Variants in KCNQ5 observed in about 807,000 individuals in gnomAD.
The protein encoded by KCNQ5 is potassium voltage-gated channel subfamily Q member 5.
A neutral mutation model predicts 98.2 loss-of-function variants in KCNQ5; 30 were observed. The ratio of observed to expected loss-of-function variants is 0.31; its 90% CI spans 0.23 to 0.41. KCNQ5 has a LOEUF of 0.41. KCNQ5 is among the 10% of genes least tolerant of loss of function. The probability of loss-of-function intolerance (pLI) is 1.00; values close to 1 mark genes in which losing one functional copy is unlikely to be tolerated. For synonymous variants in KCNQ5, 458 were observed against 449.4 expected (o/e 1.02, Z -0.24); for missense variants, 835 against 1,182.5 (o/e 0.71, Z 4.31).
chr6:72,716,046 G>A (rs115416238), intron 1 of KCNQ5, among the ~76,000 whole-genome samples: 312 of 152,162 alleles, frequency 2.1e-3, no homozygotes, highest in African/African-American at 7.3e-3. Flanking sequence ...AAGTTATGAA[G>A]CCACATAAAA....
intron 1 of KCNQ5, among the ~76,000 whole-genome samples, chr6:72,731,348 A>G (rs945048601): frequency 6.6e-6 from 1 of 152,262 alleles, no homozygotes; most frequent in Admixed American, 6.5e-5. Context: ...GCAGAAAAGC[A>G]GTGGATCCAA....
intron 6 of KCNQ5, among the ~76,000 whole-genome samples, chr6:73,108,083 G>C (rs1273711970): frequency 6.6e-6 from 1 of 152,166 alleles, no homozygotes; most frequent in Non-Finnish European, 1.5e-5. Context: ...CAGGACACCT[G>C]AGAACCAAGA....
intron 10 of KCNQ5, among the ~76,000 whole-genome samples, chr6:73,142,638 A>G (rs1275820445): frequency 6.6e-6 from 1 of 152,206 alleles, no homozygotes; most frequent in Non-Finnish European, 1.5e-5. Context: ...TGAGGAGGCC[A>G]GGTGCGATGG....
At chr6:72,971,309 C>G (rs1347207233) in intron 1 of KCNQ5, among the ~76,000 whole-genome samples, 1 of 152,168 alleles carries the variant, frequency 6.6e-6, no homozygotes, top group Non-Finnish European at 1.5e-5. Flanking sequence ...CCATCTCACA[C>G]CAGTTAGAAT....
chr6:73,042,244 T>G, intron 3 of KCNQ5, 182 bp downstream of exon 3: 1 of 647,704 alleles, frequency 1.5e-6, no homozygotes, highest in Admixed American at 2.7e-5. Flanking sequence ...CATTATGAGG[T>G]AGATATTTTT....
chr6:72,922,899 C>T (rs1404909718), intron 1 of KCNQ5, among the ~76,000 whole-genome samples: 1 of 146,848 alleles, frequency 6.8e-6, no homozygotes. Flanking sequence ...GCAACCTCAG[C>T]CTCCTGGGTT....
intron 5 of KCNQ5, among the ~76,000 whole-genome samples, chr6:73,086,202 G>T (rs546331218): frequency 1.3e-5 from 2 of 152,010 alleles, no homozygotes; most frequent in Admixed American, 6.5e-5. Context: ...ACCTGTCCTT[G>T]ACCCCTTCTC....
intron 1 of KCNQ5, among the ~76,000 whole-genome samples, chr6:72,865,494 CT>C (rs1186575768): frequency 4.6e-5 from 7 of 152,188 alleles, no homozygotes; most frequent in Admixed American, 6.5e-5. Context: ...CCATTCTTCT[CT>C]CTGTAAGATT....
intron 3 of KCNQ5, among the ~76,000 whole-genome samples, chr6:73,063,426 ACTCT>A (rs1255630890): frequency 6.6e-6 from 1 of 151,998 alleles, no homozygotes; most frequent in Non-Finnish European, 1.5e-5. Context: ...TCTCTGGGAC[ACTCT>A]TTCTTTCCTT....
intron 1 of KCNQ5, among the ~76,000 whole-genome samples, chr6:72,917,673 A>T (rs1229683774): frequency 6.6e-6 from 1 of 151,788 alleles, no homozygotes; most frequent in African/African-American, 2.4e-5. Context: ...GGGTTTCACC[A>T]TGTTGGCCAG....
chr6:72,869,929 T>TA (rs1441656641), intron 1 of KCNQ5, among the ~76,000 whole-genome samples: 13 of 152,266 alleles, frequency 8.5e-5, no homozygotes, highest in African/African-American at 3.1e-4. Flanking sequence ...TTAAAGAAGT[T>TA]AAAAATATAA....
At chr6:73,138,809 G>T (rs12529815) in intron 10 of KCNQ5, among the ~76,000 whole-genome samples, 1 of 152,142 alleles carries the variant, frequency 6.6e-6, no homozygotes, top group Non-Finnish European at 1.5e-5. Flanking sequence ...CGATTGTGGG[G>T]GTCCCTCAAG....
intron 1 of KCNQ5, among the ~76,000 whole-genome samples, chr6:72,743,346 T>C (rs971105444): frequency 6.6e-5 from 10 of 151,800 alleles, no homozygotes; most frequent in African/African-American, 2.4e-4. Flanking sequence ...TAAATATTTT[T>C]CATTTTAGTC....
chr6:72,864,684 A>G (rs999003362), intron 1 of KCNQ5, among the ~76,000 whole-genome samples: 6 of 152,116 alleles, frequency 3.9e-5, no homozygotes, highest in Admixed American at 1.3e-4. Flanking sequence ...ATACACACAC[A>G]CACAGGGTCC....
intron 5 of KCNQ5, among the ~76,000 whole-genome samples, chr6:73,084,689 A>G (rs1033667767): frequency 1.3e-5 from 2 of 152,196 alleles, no homozygotes; most frequent in Non-Finnish European, 2.9e-5. Context: ...CCAAGCCCCT[A>G]AAGATCGCAT....
chr6:73,186,446 G>A (rs1038432634), intron 11 of KCNQ5, among the ~76,000 whole-genome samples: 1 of 152,150 alleles, frequency 6.6e-6, no homozygotes, highest in Non-Finnish European at 1.5e-5. Context: ...CATCAGTAAT[G>A]CACTGGTAAA....
chr6:73,159,510 A>G (rs1777525882), intron 10 of KCNQ5, among the ~76,000 whole-genome samples: 2 of 152,226 alleles, frequency 1.3e-5, no homozygotes, highest in Admixed American at 6.5e-5. Flanking sequence ...AAATAAAAAG[A>G]TTGCTGATTA....
chr6:72,804,051 G>A (rs1232452305), intron 1 of KCNQ5, among the ~76,000 whole-genome samples: 1 of 151,976 alleles, frequency 6.6e-6, no homozygotes, highest in Admixed American at 6.6e-5. Context: ...TTTGAGAAAT[G>A]CTTTACAGTA....
At chr6:72,988,493 G>A (rs911771207) in intron 1 of KCNQ5, among the ~76,000 whole-genome samples, 9 of 152,212 alleles carry the variant, frequency 5.9e-5, no homozygotes, top group African/African-American at 1.7e-4. Flanking sequence ...AATAGACACT[G>A]CAGACTACTA....
Sources: allele counts gnomAD v4.1 joint callset (sites outside exome capture counted in the v4.1 genomes callset), GRCh38; gene constraint gnomAD v4.1.1; transcripts MANE v1.5; gene names NCBI Gene and HGNC (gene_info 2026-07-23, HGNC 2026-07-21).